Variants in SGIP1 observed in about 807,000 individuals in gnomAD.
The protein encoded by SGIP1 is SH3-containing GRB2-like protein 3-interacting protein 1.
In SGIP1, 38 loss-of-function variants were observed where a neutral mutation model predicts 107.5. That is an observed-to-expected ratio of 0.35 (90% confidence interval 0.27 to 0.46). The LOEUF is 0.46. Among genes scored for constraint, SGIP1 ranks in the 20% least tolerant of loss-of-function variants. SGIP1 has a pLI of 1.00. For missense variants in SGIP1, 929 were observed against 1,019.5 expected, an observed-to-expected ratio of 0.91 and a Z score of 1.21; for synonymous variants, 365 against 366.1, an observed-to-expected ratio of 1.00 and a Z score of 0.03.
At chr1:66,608,212 T>A (rs755986779) in intron 1 of SGIP1, among the ~76,000 whole-genome samples, 5 of 152,244 alleles carry the variant, frequency 3.3e-5, no homozygotes, top group African/African-American at 7.2e-5. Context: ...CACAGTGTAG[T>A]ACTGTGAGTT....
At chr1:66,563,248 G>A (rs774149127) in intron 1 of SGIP1, among the ~76,000 whole-genome samples, 15 of 151,922 alleles carry the variant, frequency 9.9e-5, no homozygotes, top group Non-Finnish European at 2.1e-4. Flanking sequence ...GGGCCGGCAC[G>A]GGAGGTACTT....
Position 66,655,912 on chromosome 1 carries a change from A to T in SGIP1, c.460-4601A>T, listed in dbSNP as rs76140536. On this transcript the variant is annotated intron_variant, in intron 7 of 24. Transcript: ENST00000371037. ...ACCCTAAATTTATAAAATTAGCCTTATAACTCTTTTACTTTGTAAACTTCT... is the reference window on the plus strand; with the variant it reads ...ACCCTAAATTTATAAAATTAGCCTTTTAACTCTTTTACTTTGTAAACTTCT... Among the ~76,000 whole-genome samples, 453 of 152,314 alleles carry T rather than the reference A, an allele frequency of 3.0e-3. 10 individuals carry two copies. The East Asian group carries it at 0.053, about 18-fold the overall frequency.
At chr1:66,696,060 G>A (rs1187103744) in intron 18 of SGIP1, among the ~76,000 whole-genome samples, 3 of 152,212 alleles carry the variant, frequency 2.0e-5, no homozygotes, top group Admixed American at 6.5e-5. Context: ...TTGCAATTGA[G>A]ATGACTGCAG....
At chr1:66,584,981 G>A (rs2062390703) in intron 1 of SGIP1, among the ~76,000 whole-genome samples, 1 of 152,144 alleles carries the variant, frequency 6.6e-6, no homozygotes, top group Non-Finnish European at 1.5e-5. Context: ...AACAAGCATT[G>A]TAAATTCTTA....
intron 2 of SGIP1, among the ~76,000 whole-genome samples, chr1:66,628,106 C>T (rs941955544): frequency 1.3e-5 from 2 of 152,090 alleles, no homozygotes; most frequent in African/African-American, 4.8e-5. Flanking sequence ...CATAGTATTC[C>T]ATGGTGTATA....
intron 1 of SGIP1, among the ~76,000 whole-genome samples, chr1:66,557,738 G>A (rs1017575285): frequency 3.3e-5 from 5 of 152,104 alleles, no homozygotes; most frequent in Admixed American, 2.6e-4. Flanking sequence ...GTCCCAACCA[G>A]AAACTCACCT....
intron 1 of SGIP1, among the ~76,000 whole-genome samples, chr1:66,591,697 A>C (rs2063657389): frequency 6.6e-6 from 1 of 152,226 alleles, no homozygotes; most frequent in Non-Finnish European, 1.5e-5. Flanking sequence ...GGCGCTCAGC[A>C]TAGGGAGGAC....
At chr1:66,568,343 A>T (rs540143116) in intron 1 of SGIP1, among the ~76,000 whole-genome samples, 3 of 134,754 alleles carry the variant, frequency 2.2e-5, no homozygotes, top group South Asian at 2.9e-4. Flanking sequence ...TGATTTTTGC[A>T]CATTGATTTT....
At chr1:66,668,243 T>A (rs187948436) in intron 9 of SGIP1, among the ~76,000 whole-genome samples, 6 of 152,072 alleles carry the variant, frequency 3.9e-5, no homozygotes, top group Non-Finnish European at 8.8e-5. Context: ...CAGGCTGGAG[T>A]GCAGTGGCGT....
chr1:66,701,481 A>G (rs2091902384), intron 18 of SGIP1, among the ~76,000 whole-genome samples: 2 of 152,202 alleles, frequency 1.3e-5, no homozygotes, highest in Admixed American at 1.3e-4. Flanking sequence ...AGCTATTCTG[A>G]GTTTTTATAT....
At position 66,682,389 on chromosome 1, in the gene SGIP1, G is replaced by A. The variant is rs1298768710; in HGVS notation, c.1315+20G>A. The A allele has an allele frequency of 5.1e-6, 8 of 1,583,414 alleles. No homozygotes were observed. Among genetic ancestry groups the A allele is most frequent in the Non-Finnish European group, 6.8e-6 (8 of 1,169,890 alleles). Reference sequence around the variant, plus strand: ...CCAGTGGTATGTCTTATGCTTGAGTGTGCTTCTTGTGACGGGGAATGGCCA... The same window carrying A: ...CCAGTGGTATGTCTTATGCTTGAGTATGCTTCTTGTGACGGGGAATGGCCA... On this transcript the variant is annotated intron_variant, in intron 15 of 24. Coordinates refer to ENST00000371037, the MANE Select transcript of SGIP1 (RefSeq NM_032291.4).
chr1:66,642,101 C>T (rs1354613250), intron 5 of SGIP1, among the ~76,000 whole-genome samples: 4 of 152,224 alleles, frequency 2.6e-5, no homozygotes, highest in Non-Finnish European at 5.9e-5. Flanking sequence ...TTTCAGTATG[C>T]ACCACCCTAG....
At chr1:66,569,333 C>T (rs1474084724) in intron 1 of SGIP1, among the ~76,000 whole-genome samples, 1 of 151,764 alleles carries the variant, frequency 6.6e-6, no homozygotes, top group African/African-American at 2.4e-5. Flanking sequence ...GAGTTTCTCC[C>T]CATTAAGCAT....
At chr1:66,735,421 G>C (rs1011988472) in intron 21 of SGIP1, among the ~76,000 whole-genome samples, 1 of 151,886 alleles carries the variant, frequency 6.6e-6, no homozygotes, top group African/African-American at 2.4e-5. Context: ...CACCATGTTG[G>C]CCAGGCTGGT....
chr1:66,545,493 T>C (rs112989214), intron 1 of SGIP1, among the ~76,000 whole-genome samples: 2 of 152,276 alleles, frequency 1.3e-5, no homozygotes, highest in African/African-American at 4.8e-5. Context: ...AGTGAACATG[T>C]TTCCTCCTCA....
chr1:66,747,493 C>G lies in SGIP1; in HGVS notation c.*4398C>G, dbSNP rs1344848851. The G allele has an allele frequency of 6.6e-6, 1 of 151,828 alleles. No homozygotes were observed. Among genetic ancestry groups the G allele is most frequent in the African/African-American group, 2.4e-5 (1 of 41,376 alleles). The allele number at this position is 151,828 out of a possible 1,614,324, so 9.4% of individuals were successfully genotyped here. On this transcript the variant is annotated 3_prime_UTR_variant, in exon 25 of 25. Transcript: ENST00000371037. ...ATTTTCTCATTTTCATATTTCTGTC[C>G]TTTTCTTCAATGTCTTAAAAGACTT...
chr1:66,568,759 A>G (rs1220833346), intron 1 of SGIP1, among the ~76,000 whole-genome samples: 1 of 152,002 alleles, frequency 6.6e-6, no homozygotes, highest in Non-Finnish European at 1.5e-5. Context: ...AGAACCAATG[A>G]CAAAAACCAC....
intron 1 of SGIP1, among the ~76,000 whole-genome samples, chr1:66,600,567 T>A (rs2065599601): frequency 6.6e-6 from 1 of 152,136 alleles, no homozygotes. Context: ...TGGGTGAACA[T>A]GTGAGAAAGG....
intron 2 of SGIP1, among the ~76,000 whole-genome samples, chr1:66,632,199 G>A (rs921075510): frequency 2.0e-5 from 3 of 152,200 alleles, no homozygotes; most frequent in African/African-American, 2.4e-5. Context: ...GAGAGGTTAA[G>A]TGTTCAAGGT....
Sources: gnomAD v4.1 joint callset for allele counts (sites outside exome capture counted in the v4.1 genomes callset) on GRCh38, gnomAD v4.1.1 for gene constraint, MANE v1.5 for transcripts, NCBI Gene and HGNC (gene_info 2026-07-23, HGNC 2026-07-21) for gene names.